The following ADCY3 variants were observed in gnomAD, a reference collection of about 807,000 sequenced individuals.
ADCY3 encodes adenylate cyclase type 3.
In ADCY3, 70 loss-of-function variants were observed where a neutral mutation model predicts 119.4. The observed-to-expected ratio is 0.59, with a 90% CI of 0.48 to 0.72. The LOEUF is 0.72. Among genes scored for constraint, ADCY3 ranks in the 30% least tolerant of loss-of-function variants. The pLI, the probability that ADCY3 is intolerant of heterozygous loss-of-function variation, is 0.00. For missense variants in ADCY3, 1,238 were observed against 1,541.6 expected (o/e 0.80, Z 3.30); for synonymous variants, 672 against 621.4 (o/e 1.08, Z -1.21).
intron 2 of ADCY3, among the ~76,000 whole-genome samples, chr2:24,883,534 C>T (rs1433331970): frequency 3.3e-5 from 5 of 152,058 alleles, no homozygotes; most frequent in African/African-American, 4.8e-5. Context: ...AGATTCTGGA[C>T]GATAAAGAAA....
At chr2:24,888,812 C>T (rs1677359099) in intron 2 of ADCY3, among the ~76,000 whole-genome samples, 1 of 152,214 alleles carries the variant, frequency 6.6e-6, no homozygotes, top group Non-Finnish European at 1.5e-5. Flanking sequence ...AGTTTGAGAT[C>T]AGCCTGACCA....
chr2:24,878,536 G>C lies in ADCY3; in HGVS notation c.676-5817C>G, dbSNP rs1254960539. On this transcript the variant is annotated intron_variant, in intron 2 of 21. Transcript: ENST00000679454. This position sits in a 1 kb window ranked among gnomAD's most constrained non-coding sequence, Gnocchi z 4.0. Reference sequence around the variant, plus strand: ...GGGTGCAGTGTCCGTGTCGCCCACAGAGACCTATGACGTTCTGCGGCTGGA... The same window carrying C: ...GGGTGCAGTGTCCGTGTCGCCCACACAGACCTATGACGTTCTGCGGCTGGA... 6.6e-6 allele frequency among the ~76,000 whole-genome samples: 1 copy of C among 152,230 alleles called. No individual in the cohort carries two copies. The highest frequency in any genetic ancestry group is 1.5e-5 in the Non-Finnish European group (1 of 68,036).
chr2:24,906,605 G>A (rs1679470630), intron 2 of ADCY3, among the ~76,000 whole-genome samples: 1 of 152,232 alleles, frequency 6.6e-6, no homozygotes, highest in Non-Finnish European at 1.5e-5. Flanking sequence ...TCGGCCCCCA[G>A]CCCCACGTGG....
chr2:24,822,196 A>C (rs917260821), intron 19 of ADCY3: 1 of 238,072 alleles, frequency 4.2e-6, no homozygotes, highest in South Asian at 1.0e-4. Flanking sequence ...TCTGAAGGCC[A>C]TGCTTTCAGT....
intron 3 of ADCY3, among the ~76,000 whole-genome samples, chr2:24,856,081 G>A (rs2148690638): frequency 6.6e-6 from 1 of 152,360 alleles, no homozygotes; most frequent in South Asian, 2.1e-4. Context: ...GTTGGCTGGT[G>A]AGAAGCTAAG....
At chr2:24,836,814 C>T in intron 9 of ADCY3, 103 bp downstream of exon 9, 1 of 1,482,264 alleles carries the variant, frequency 6.7e-7, no homozygotes, top group South Asian at 1.4e-5. Flanking sequence ...GGGTGGTGGC[C>T]AGGTCTCCCC....
intron 3 of ADCY3, among the ~76,000 whole-genome samples, chr2:24,846,305 G>A (rs1432955886): frequency 2.0e-5 from 3 of 152,224 alleles, no homozygotes; most frequent in Non-Finnish European, 4.4e-5. Flanking sequence ...AAGCAGCTGT[G>A]AGGGAGGCTG....
At position 24,918,401 on chromosome 2, in the gene ADCY3, A is replaced by G. The variant is rs752195681; in HGVS notation, c.587T>C (p.Val196Ala). Residue 196 changes from valine (V) to alanine (A), a missense_variant, in exon 2 of 22, where the codon GTC becomes GCC. Coordinates refer to ENST00000679454, the MANE Select transcript of ADCY3 (RefSeq NM_004036.5). The surrounding 1 kb of genome is among the most constrained non-coding windows in gnomAD (Gnocchi z 5.4). ...GACCAACGTGTGCACCACACAGGAG[A>G]CCACGGAGATGATCACGATGGGGCT... The part of the protein sequence containing the change: ...SLSPIVIISV[V>A]SCVVHTLVLG... 6.2e-7 allele frequency: 1 copy of G among 1,613,790 alleles called. No homozygotes were observed. Among genetic ancestry groups the G allele is most frequent in the South Asian group, 1.1e-5 (1 of 91,066 alleles).
intron 9 of ADCY3, among the ~76,000 whole-genome samples, chr2:24,835,797 A>G (rs1217252890): frequency 6.6e-6 from 1 of 152,078 alleles, no homozygotes; most frequent in Non-Finnish European, 1.5e-5. Flanking sequence ...TTAGCCAGGC[A>G]TGGTGGTACA....
At chr2:24,839,724 C>A in intron 7 of ADCY3, 149 bp downstream of exon 7, 3 of 1,188,312 alleles carry the variant, frequency 2.5e-6, no homozygotes, top group Non-Finnish European at 2.4e-6. Flanking sequence ...AGGGCCAGGA[C>A]CAGGGCGAGA....
rs1006200300 is a variant in ADCY3 at position 24,819,945 on chromosome 2, A to G, written c.3422T>C (p.Val1141Ala). Residue 1141 changes from valine to alanine, a missense_variant, in exon 22 of 22, where the codon GTG becomes GCG. Val to Ala is a moderately conservative substitution (Grantham distance 64). Around this residue, in one of 7 missense-constraint regions of ADCY3, gnomAD observed 86 missense variants for 70.7 expected, o/e 1.22. Transcript: ENST00000679454. ...GPSVTLPHQV[V>A]DNS ...GCTCGAGGCCATTCAGGAGTTGTCC[A>G]CCACCTGGTGGGGCAGTGTGACAGA... The G allele has an allele frequency of 1.2e-6, 2 of 1,613,546 alleles. No individual in the cohort carries two copies. The highest frequency in any genetic ancestry group is 1.3e-5 in the African/African-American group (1 of 74,852).
At chr2:24,866,208 A>G (rs1419978583) in intron 3 of ADCY3, among the ~76,000 whole-genome samples, 4 of 152,194 alleles carry the variant, frequency 2.6e-5, no homozygotes, top group African/African-American at 9.7e-5. Context: ...GCTATTTCCT[A>G]TCTGCCCCTG....
intron 2 of ADCY3, among the ~76,000 whole-genome samples, chr2:24,893,029 GTCT>G (rs1677871635): frequency 7.2e-6 from 1 of 139,674 alleles, no homozygotes; most frequent in Admixed American, 7.1e-5. Context: ...TAATCTATGT[GTCT>G]TTTTTTTTTT....
chr2:24,897,120 G>T (rs1678379661), intron 2 of ADCY3, among the ~76,000 whole-genome samples: 1 of 152,042 alleles, frequency 6.6e-6, no homozygotes, highest in South Asian at 2.1e-4. Flanking sequence ...GGAAGAAAGA[G>T]ACCAGCCACC....
In ADCY3 at chr2:24,834,310, C is replaced by T. The variant is rs1302917576; in HGVS notation, c.1967+175G>A. 1.3e-5 allele frequency among the ~76,000 whole-genome samples: 2 copies of T among 152,210 alleles called. No homozygotes were observed. Among genetic ancestry groups the T allele is most frequent in the Non-Finnish European group, 2.9e-5 (2 of 68,036 alleles). On this transcript the variant is annotated intron_variant, in intron 11 of 21. Coordinates refer to ENST00000679454, the MANE Select transcript of ADCY3 (RefSeq NM_004036.5). The surrounding 1 kb of genome is among the most constrained non-coding windows in gnomAD (Gnocchi z 4.2). ...CGCGGGGCAGGGAAAAGGAAGGATG[C>T]CCAGGGTGCCGTCTAGCACTCCTGG...
Position 24,834,947 on chromosome 2 carries a change from G to A in ADCY3, c.1663-11C>T. ...TGAGGGGTTGTCGGCCTGTGAGCCA[G>A]GGAGGCAGCGTGAGTGGGGCAGATG... On this transcript the variant is annotated splice_polypyrimidine_tract_variant and intron_variant, in intron 9 of 21. Transcript: ENST00000679454. This position sits in a 1 kb window ranked among gnomAD's most constrained non-coding sequence, Gnocchi z 4.2. 1 of 1,612,004 alleles carries A rather than the reference G, an allele frequency of 6.2e-7. No homozygotes were observed. Among genetic ancestry groups the A allele is most frequent in the Admixed American group, 1.7e-5 (1 of 59,946 alleles).
intron 19 of ADCY3, 27 bp from the exon 20 acceptor site, chr2:24,821,667 G>A (rs754567155): frequency 1.9e-6 from 3 of 1,611,930 alleles, no homozygotes; most frequent in South Asian, 2.2e-5. Flanking sequence ...TGGAGAAAGT[G>A]TCAGGGGCCG....
At position 24,872,531 on chromosome 2, in the gene ADCY3, A is replaced by T; in HGVS notation, c.825+39T>A. ...CCCTCTGACAAGGCCACAGTCCCTGAGCCCAAGCTCCAGGCCCGAGGCCTC... is the reference window on the plus strand; with the variant it reads ...CCCTCTGACAAGGCCACAGTCCCTGTGCCCAAGCTCCAGGCCCGAGGCCTC... On this transcript the variant is annotated intron_variant, in intron 3 of 21. Transcript: ENST00000679454. The surrounding 1 kb of genome is among the most constrained non-coding windows in gnomAD (Gnocchi z 4.4). 6.2e-7 allele frequency: 1 copy of T among 1,603,456 alleles called. No individual in the cohort carries two copies. Among genetic ancestry groups the T allele is most frequent in the Non-Finnish European group, 8.5e-7 (1 of 1,174,264 alleles).
At chr2:24,866,564 CAAAAAAAAAA>C (rs71397449) in intron 3 of ADCY3, among the ~76,000 whole-genome samples, 1 of 46,560 alleles carries the variant, frequency 2.1e-5, no homozygotes, top group Non-Finnish European at 3.7e-5. Flanking sequence ...GACCCTGTCT[CAAAAAAAAAA>C]AAAAAAAAAA....
Sources: gnomAD v4.1 joint callset for allele counts (sites outside exome capture counted in the v4.1 genomes callset) on GRCh38, gnomAD v4.1.1 for gene constraint, gnomAD v4.1.1 regional missense constraint, Gnocchi (gnomAD v3.1) non-coding constraint, MANE v1.5 for transcripts, NCBI Gene and HGNC (gene_info 2026-07-23, HGNC 2026-07-21) for gene names.